Variants in ULK4 observed in about 807,000 individuals in gnomAD.
ULK4 encodes unc-51 like kinase 4.
ULK4 carries 133 observed loss-of-function variants against 160.6 expected under a neutral mutation model. The observed-to-expected ratio is 0.83, with a 90% CI of 0.72 to 0.96. The LOEUF is 0.96. Among genes scored for constraint, ULK4 ranks in the 40% least tolerant of loss-of-function variants. The pLI is 0.00. For synonymous variants in ULK4, 534 were observed against 539.8 expected (o/e 0.99, Z 0.15); for missense variants, 1,580 against 1,499.5 (o/e 1.05, Z -0.89).
intron 32 of ULK4, among the ~76,000 whole-genome samples, chr3:41,513,409 A>G (rs1575336629): frequency 6.6e-6 from 1 of 152,208 alleles, no homozygotes; most frequent in South Asian, 2.1e-4. Flanking sequence ...AGGCCAAGGT[A>G]GGCGGATCAT....
intron 8 of ULK4, among the ~76,000 whole-genome samples, chr3:41,913,426 C>T (rs1230550156): frequency 1.3e-5 from 2 of 152,050 alleles, no homozygotes; most frequent in African/African-American, 4.8e-5. Context: ...GGGATTTCAC[C>T]GTGTTATCCA....
chr3:41,642,638 C>T (rs9824862), intron 30 of ULK4, among the ~76,000 whole-genome samples: 3,581 of 152,180 alleles, frequency 0.024, 135 homozygotes, highest in African/African-American at 0.075. Context: ...TGAACAGTGC[C>T]GCAATAAACA....
chr3:41,773,957 C>A (rs1156438219), intron 21 of ULK4, among the ~76,000 whole-genome samples: 7 of 152,088 alleles, frequency 4.6e-5, no homozygotes, highest in African/African-American at 7.2e-5. Flanking sequence ...ACCTGACAAA[C>A]ACAAGCAATG....
At chr3:41,440,047 GT>G (rs2083128109) in intron 34 of ULK4, among the ~76,000 whole-genome samples, 2 of 152,050 alleles carry the variant, frequency 1.3e-5, no homozygotes, top group African/African-American at 4.8e-5. Flanking sequence ...TATTGATTTT[GT>G]TTACTGCAAT....
rs112760663 is a variant in ULK4, at chr3:41,496,026, T to G, written c.3227-32773A>C. Among the ~76,000 whole-genome samples, 1,372 of 152,126 alleles carry G rather than the reference T, an allele frequency of 9.0e-3. 6 individuals are homozygous for G. Among genetic ancestry groups the G allele is most frequent in the Non-Finnish European group, 0.014 (962 of 67,996 alleles). On this transcript the variant is annotated intron_variant, in intron 32 of 36. Transcript: ENST00000301831. ...TGTATTTCTGTAGTGAAATACAACA[T>G]TAACAAAATCAAAAGTCAAACAATA...
chr3:41,749,691 G>A (rs1488344868), intron 22 of ULK4, among the ~76,000 whole-genome samples: 1 of 152,098 alleles, frequency 6.6e-6, no homozygotes, highest in Non-Finnish European at 1.5e-5. Context: ...TCTGTATTGG[G>A]AAGTGAGTTT....
intron 35 of ULK4, among the ~76,000 whole-genome samples, chr3:41,300,842 T>C (rs199919845): frequency 5.0e-4 from 17 of 34,010 alleles, no homozygotes; most frequent in African/African-American, 1.8e-3. Flanking sequence ...ACAGATTATA[T>C]ATATATATAT....
intron 21 of ULK4, among the ~76,000 whole-genome samples, chr3:41,757,171 C>A (rs1031401691): frequency 1.3e-5 from 2 of 152,076 alleles, no homozygotes; most frequent in African/African-American, 2.4e-5. Context: ...CTAGAAACAA[C>A]TGAAACCTCT....
chr3:41,671,741 A>G (rs2035545148), intron 29 of ULK4, among the ~76,000 whole-genome samples: 1 of 152,160 alleles, frequency 6.6e-6, no homozygotes, highest in Non-Finnish European at 1.5e-5. Flanking sequence ...TAAACTTAAA[A>G]GCTTCTACGC....
At chr3:41,362,404 G>A (rs1053109523) in intron 35 of ULK4, among the ~76,000 whole-genome samples, 1 of 152,084 alleles carries the variant, frequency 6.6e-6, no homozygotes, top group African/African-American at 2.4e-5. Context: ...AAGAACATTC[G>A]AATCAGCAAC....
intron 32 of ULK4, among the ~76,000 whole-genome samples, chr3:41,548,855 C>T (rs530679087): frequency 7.4e-4 from 113 of 152,278 alleles, no homozygotes; most frequent in African/African-American, 2.6e-3. Context: ...GTGGCATCTC[C>T]ATCCCCCAGC....
chr3:41,720,875 A>C (rs1422832970), intron 22 of ULK4, among the ~76,000 whole-genome samples: 2 of 152,188 alleles, frequency 1.3e-5, no homozygotes. Context: ...CTAGGAACAA[A>C]GTATTCAATA....
chr3:41,353,405 C>T (rs1036529128), intron 35 of ULK4, among the ~76,000 whole-genome samples: 1 of 152,144 alleles, frequency 6.6e-6, no homozygotes, highest in African/African-American at 2.4e-5. Context: ...TGTGGTGGCT[C>T]ATGCCTGTAA....
intron 34 of ULK4, among the ~76,000 whole-genome samples, chr3:41,424,831 C>CAAAAAAAAAAAAAAAAAAAAAA (rs36097613): frequency 4.8e-5 from 3 of 62,400 alleles, no homozygotes; most frequent in Non-Finnish European, 8.8e-5. Context: ...AAGAAATCAT[C>CAAAAAAAAAAAAAAAAAAAAAA]AAAAAAAAAA....
intron 35 of ULK4, among the ~76,000 whole-genome samples, chr3:41,394,397 T>C (rs745371012): frequency 6.6e-6 from 1 of 152,062 alleles, no homozygotes; most frequent in Non-Finnish European, 1.5e-5. Context: ...TACTTCCCAA[T>C]AAACCCATCA....
At chr3:41,404,962 A>G (rs1446901504) in intron 34 of ULK4, among the ~76,000 whole-genome samples, 1 of 152,148 alleles carries the variant, frequency 6.6e-6, no homozygotes, top group Non-Finnish European at 1.5e-5. Context: ...AATCATCTAT[A>G]TTTTTAAAAA....
chr3:41,891,635 G>A (rs1037352042), intron 16 of ULK4, among the ~76,000 whole-genome samples: 16 of 152,274 alleles, frequency 1.1e-4, no homozygotes, highest in South Asian at 2.1e-4. Context: ...AGCCAGGCGC[G>A]GTGGCTCATG....
At chr3:41,665,524 G>T (rs2035324631) in intron 29 of ULK4, among the ~76,000 whole-genome samples, 2 of 152,118 alleles carry the variant, frequency 1.3e-5, no homozygotes, top group Non-Finnish European at 2.9e-5. Flanking sequence ...CGTTTAAGAA[G>T]TCAGCAAATG....
chr3:41,492,444 G>C (rs2084813635), intron 32 of ULK4, among the ~76,000 whole-genome samples: 1 of 151,312 alleles, frequency 6.6e-6, no homozygotes, highest in Non-Finnish European at 1.5e-5. Context: ...ACATGGAAAG[G>C]AACAACCGGT....
Sources: allele counts gnomAD v4.1 joint callset (sites outside exome capture counted in the v4.1 genomes callset), GRCh38; gene constraint gnomAD v4.1.1; transcripts MANE v1.5; gene names NCBI Gene and HGNC (gene_info 2026-07-23, HGNC 2026-07-21).